GABRA2: variants seen among roughly 807,000 people sequenced by gnomAD.
The protein encoded by GABRA2 is gamma-aminobutyric acid type A receptor subunit alpha2, also known as gamma-aminobutyric acid receptor subunit alpha-2.
Under a neutral mutation model 48.7 loss-of-function variants are expected in GABRA2, and 16 were observed. The observed-to-expected ratio is 0.33, with a 90% CI of 0.22 to 0.50. GABRA2 has a LOEUF of 0.50. Among genes scored for constraint, GABRA2 ranks in the 20% least tolerant of loss-of-function variants. GABRA2 has a pLI of 0.98. For missense variants in GABRA2, 275 were observed against 535.6 expected (o/e 0.51, Z 4.80); for synonymous variants, 185 against 184.5 (o/e 1.00, Z -0.02).
intron 3 of GABRA2, among the ~76,000 whole-genome samples, chr4:46,382,574 A>G (rs1256154475): frequency 1.3e-5 from 2 of 152,200 alleles, no homozygotes; most frequent in Admixed American, 6.5e-5. Context: ...GGATCTGAGC[A>G]GTTGAGGGGC....
intron 3 of GABRA2, among the ~76,000 whole-genome samples, chr4:46,338,287 G>C (rs1378280132): frequency 1.3e-5 from 2 of 148,368 alleles, no homozygotes; most frequent in African/African-American, 4.9e-5. Flanking sequence ...AATAACTCTA[G>C]GAAAATGTTC....
At chr4:46,273,047 C>A (rs559109391) in intron 8 of GABRA2, among the ~76,000 whole-genome samples, 1 of 103,330 alleles carries the variant, frequency 9.7e-6, no homozygotes, top group African/African-American at 4.5e-5. Flanking sequence ...CCTCCCCTAG[C>A]CCCCCACCCC....
At chr4:46,279,696 C>A (rs943849779) in intron 8 of GABRA2, among the ~76,000 whole-genome samples, 1 of 152,050 alleles carries the variant, frequency 6.6e-6, no homozygotes, top group Non-Finnish European at 1.5e-5. Context: ...AACATAGTTT[C>A]TGTTCACTAC....
chr4:46,312,042 T>C (rs910611405), intron 5 of GABRA2, among the ~76,000 whole-genome samples: 1 of 152,164 alleles, frequency 6.6e-6, no homozygotes, highest in African/African-American at 2.4e-5. Context: ...GAGGTTGAAG[T>C]GAGTCGAGAT....
rs1734080971 is a variant in GABRA2 at position 46,345,997 on chromosome 4, T to C, written c.188-13315A>G. Among the ~76,000 whole-genome samples, 5 of 152,058 alleles carry C rather than the reference T, an allele frequency of 3.3e-5. No homozygotes were observed. In the South Asian group the frequency reaches 1.0e-3, roughly 32 times the overall value. On this transcript the variant is annotated intron_variant, in intron 3 of 9. Transcript: ENST00000381620. ...AAGATCACGATGCTAATAATTTTGC[T>C]CATCTTGTATCATAACTAGAATGTC... is the stretch of plus-strand genomic sequence containing the variant.
At chr4:46,315,214 T>C (rs1269257608) in intron 4 of GABRA2, among the ~76,000 whole-genome samples, 2 of 151,864 alleles carry the variant, frequency 1.3e-5, no homozygotes, top group Non-Finnish European at 2.9e-5. Flanking sequence ...GTGGTTTTGA[T>C]TTCCATTTCT....
intron 9 of GABRA2, among the ~76,000 whole-genome samples, chr4:46,257,134 G>C (rs552183924): frequency 6.6e-6 from 1 of 151,754 alleles, no homozygotes; most frequent in Admixed American, 6.6e-5. Context: ...GTAAGAAACA[G>C]ACTTACTTAC....
chr4:46,318,168 T>C (rs187195555), intron 4 of GABRA2, among the ~76,000 whole-genome samples: 4 of 151,396 alleles, frequency 2.6e-5, no homozygotes. Flanking sequence ...AATAAACCAT[T>C]TAAACATTAA....
At chr4:46,302,271 G>C (rs1187697687) in intron 8 of GABRA2, among the ~76,000 whole-genome samples, 1 of 151,954 alleles carries the variant, frequency 6.6e-6, no homozygotes, top group Non-Finnish European at 1.5e-5. Flanking sequence ...ATATTGCCCA[G>C]ACTGGTCTCC....
chr4:46,373,058 C>T (rs1326086617), intron 3 of GABRA2, among the ~76,000 whole-genome samples: 1 of 152,152 alleles, frequency 6.6e-6, no homozygotes, highest in African/African-American at 2.4e-5. Flanking sequence ...GAACTGGTGG[C>T]AATCAGATAT....
intron 8 of GABRA2, among the ~76,000 whole-genome samples, chr4:46,295,095 T>C (rs1659871272): frequency 6.6e-6 from 1 of 152,200 alleles, no homozygotes; most frequent in African/African-American, 2.4e-5. Context: ...TTAGGCCTGG[T>C]TCACAGATGG....
At chr4:46,263,927 TC>T (rs1717567535) in intron 8 of GABRA2, among the ~76,000 whole-genome samples, 1 of 151,710 alleles carries the variant, frequency 6.6e-6, no homozygotes, top group African/African-American at 2.4e-5. Flanking sequence ...TCTCTCTCTC[TC>T]TCTCTCTCTC....
At chr4:46,287,067 T>A (rs1722689950) in intron 8 of GABRA2, among the ~76,000 whole-genome samples, 1 of 152,176 alleles carries the variant, frequency 6.6e-6, no homozygotes, top group Non-Finnish European at 1.5e-5. Flanking sequence ...CCTAATAGTT[T>A]TATATTTTAT....
intron 3 of GABRA2, among the ~76,000 whole-genome samples, chr4:46,358,443 A>T (rs1249348255): frequency 6.6e-6 from 1 of 152,178 alleles, no homozygotes; most frequent in African/African-American, 2.4e-5. Context: ...ATAGTATAAC[A>T]TATTGTTAAT....
intron 4 of GABRA2, among the ~76,000 whole-genome samples, chr4:46,313,874 G>T (rs907256911): frequency 9.2e-5 from 14 of 151,944 alleles, no homozygotes; most frequent in Non-Finnish European, 1.5e-5. Context: ...TTGCAAAAAA[G>T]AACAGATAAA....
At position 46,323,825 on chromosome 4, in the gene GABRA2, A is replaced by G. The variant is rs114831571; in HGVS notation, c.255+8790T>C. Among the ~76,000 whole-genome samples, 997 of 152,058 alleles carry G rather than the reference A, an allele frequency of 6.6e-3. 14 individuals are homozygous for G. Among genetic ancestry groups the G allele is most frequent in the African/African-American group, 0.022 (925 of 41,514 alleles). On this transcript the variant is annotated intron_variant, in intron 4 of 9. Transcript: ENST00000381620. ...GTAACCTAGAAAGAAATCAGAAAAA[A>G]AAAATTAAATTTGAACTTGGCTTTG...
In GABRA2 at chr4:46,244,069, T is replaced by G. The variant is rs971873411; in HGVS notation, c.*6239A>C. ...GAAGACCAACAATTTTAAAATCAAG[T>G]GTAGTGCAGGCACCCAAGATTAACA... On this transcript the variant is annotated 3_prime_UTR_variant, in exon 10 of 10. Transcript: ENST00000381620. 10 of 151,478 alleles carry G rather than the reference T, an allele frequency of 6.6e-5. No homozygotes were observed. The highest frequency in any genetic ancestry group is 2.4e-4 in the African/African-American group (10 of 41,376). The allele number at this position is 151,478 out of a possible 1,614,324, so 9.4% of individuals were successfully genotyped here. A position where few individuals can be genotyped will look rare whatever the true frequency, so the allele number is the denominator to read the frequency against.
At chr4:46,323,129 G>C (rs945315564) in intron 4 of GABRA2, among the ~76,000 whole-genome samples, 6 of 151,876 alleles carry the variant, frequency 4.0e-5, no homozygotes, top group Non-Finnish European at 7.4e-5. Context: ...TAATTTGTCT[G>C]GTAACAGAAA....
At chr4:46,281,276 T>G (rs1432125808) in intron 8 of GABRA2, among the ~76,000 whole-genome samples, 3 of 152,156 alleles carry the variant, frequency 2.0e-5, no homozygotes, top group African/African-American at 7.2e-5. Context: ...AGGGAGAAGA[T>G]CTGTACAAAA....
Sources: allele counts gnomAD v4.1 joint callset (sites outside exome capture counted in the v4.1 genomes callset), GRCh38; gene constraint gnomAD v4.1.1; transcripts MANE v1.5; gene names NCBI Gene and HGNC (gene_info 2026-07-23, HGNC 2026-07-21).